CCDC7: variants seen among roughly 807,000 people sequenced by gnomAD.
The protein encoded by CCDC7 is coiled-coil domain-containing protein 7.
In CCDC7, 183 loss-of-function variants were observed where a neutral mutation model predicts 196.9. The observed-to-expected ratio is 0.93, with a 90% CI of 0.82 to 1.05. The LOEUF (loss-of-function observed/expected upper bound fraction) is 1.05. Ranked by LOEUF, CCDC7 falls within the 50% of genes least tolerant of loss-of-function variation. The pLI is 0.00. For missense variants in CCDC7, 1,540 were observed against 1,482.2 expected, an observed-to-expected ratio of 1.04 and a Z score of -0.64; for synonymous variants, 525 against 484.6, an observed-to-expected ratio of 1.08 and a Z score of -1.10.
intron 16 of CCDC7, among the ~76,000 whole-genome samples, chr10:32,580,006 T>C (rs527559404): frequency 2.0e-4 from 30 of 152,070 alleles, no homozygotes; most frequent in African/African-American, 7.0e-4. Context: ...GCAGAGCACA[T>C]TGCAATATTG....
intron 24 of CCDC7, among the ~76,000 whole-genome samples, chr10:32,703,418 C>T (rs188369997): frequency 0.042 from 6,377 of 152,068 alleles, 170 homozygotes; most frequent in Middle Eastern, 0.065. Flanking sequence ...TTGTGGGTAA[C>T]GCGACATTTC....
chr10:32,787,947 G>T (rs1232153755), intron 29 of CCDC7, among the ~76,000 whole-genome samples: 1 of 152,138 alleles, frequency 6.6e-6, no homozygotes, highest in Non-Finnish European at 1.5e-5. Flanking sequence ...CACCAGTCCA[G>T]CTCCCACAGA....
chr10:32,693,670 G>T (rs964453085), intron 23 of CCDC7, among the ~76,000 whole-genome samples: 2 of 152,050 alleles, frequency 1.3e-5, no homozygotes, highest in African/African-American at 4.8e-5. Context: ...AAAAAAAATT[G>T]ATTCCTAGCC....
chr10:32,549,153 C>T (rs1403123576), intron 13 of CCDC7, among the ~76,000 whole-genome samples: 1 of 152,120 alleles, frequency 6.6e-6, no homozygotes, highest in Non-Finnish European at 1.5e-5. Flanking sequence ...TTGCATTTCC[C>T]TGATCATTCA....
chr10:32,493,501 A>C (rs1013435218), intron 9 of CCDC7, among the ~76,000 whole-genome samples: 2 of 151,592 alleles, frequency 1.3e-5, no homozygotes, highest in Non-Finnish European at 2.9e-5. Context: ...TGAACATGGG[A>C]GTATGGGTAT....
At chr10:32,876,295 A>G in intron 41 of CCDC7, 52 bp from the exon 43 acceptor site, 1 of 1,336,286 alleles carries the variant, frequency 7.5e-7, no homozygotes. Flanking sequence ...AATTATATCA[A>G]CTGGAGTAAA....
chr10:32,715,637 G>A (rs1376943416), intron 25 of CCDC7, among the ~76,000 whole-genome samples: 1 of 152,184 alleles, frequency 6.6e-6, no homozygotes, highest in East Asian at 1.9e-4. Flanking sequence ...CCAATGCAAG[G>A]AAGCTAAGAA....
chr10:32,766,510 C>T (rs1231717212), intron 28 of CCDC7, among the ~76,000 whole-genome samples: 2 of 152,030 alleles, frequency 1.3e-5, no homozygotes, highest in Non-Finnish European at 2.9e-5. Context: ...TCGGCAAGTT[C>T]CTATAGGTGA....
intron 18 of CCDC7, among the ~76,000 whole-genome samples, chr10:32,619,969 C>A: frequency 8.0e-6 from 1 of 124,286 alleles, no homozygotes; most frequent in Non-Finnish European, 1.6e-5. Context: ...GTCACCCAGA[C>A]TGGAATTCAG....
chr10:32,714,008 T>C (rs1304122488), intron 25 of CCDC7, among the ~76,000 whole-genome samples: 1 of 152,252 alleles, frequency 6.6e-6, no homozygotes, highest in African/African-American at 2.4e-5. Flanking sequence ...CAAGGGACTA[T>C]CAGCGTGGCT....
chr10:32,698,806 C>G (rs540564819), intron 24 of CCDC7, among the ~76,000 whole-genome samples: 1 of 152,130 alleles, frequency 6.6e-6, no homozygotes, highest in Admixed American at 6.5e-5. Context: ...GAGAACTTCC[C>G]CAACCTAGCA....
chr10:32,764,312 CA>C, intron 28 of CCDC7, among the ~76,000 whole-genome samples: 1 of 151,454 alleles, frequency 6.6e-6, no homozygotes, highest in East Asian at 1.9e-4. Flanking sequence ...CACTGCATTC[CA>C]AAAAAACTAC....
chr10:32,476,281 C>G (rs1393173203), intron 8 of CCDC7, among the ~76,000 whole-genome samples: 1 of 152,138 alleles, frequency 6.6e-6, no homozygotes, highest in Non-Finnish European at 1.5e-5. Flanking sequence ...TGTAGTATTT[C>G]CTTTTCAAGA....
At chr10:32,482,900 G>T (rs1276442582) in intron 8 of CCDC7, among the ~76,000 whole-genome samples, 3 of 152,076 alleles carry the variant, frequency 2.0e-5, no homozygotes, top group African/African-American at 4.8e-5. Flanking sequence ...GTCTATCATT[G>T]TTGGACATTT....
At chr10:32,665,809 A>G (rs1403548886) in intron 21 of CCDC7, among the ~76,000 whole-genome samples, 5 of 152,058 alleles carry the variant, frequency 3.3e-5, no homozygotes, top group Admixed American at 6.6e-5. Context: ...TTTTAACAAT[A>G]TTAATTCTTC....
intron 6 of CCDC7, 68 bp from the exon 8 acceptor site, chr10:32,472,413 T>C: frequency 1.4e-6 from 2 of 1,383,802 alleles, no homozygotes; most frequent in South Asian, 3.3e-5. Context: ...ATTTTAGTTA[T>C]TTTAGTGTAA....
downstream of CCDC7, among the ~76,000 whole-genome samples, chr10:32,881,352 G>A (rs1485165073): frequency 6.6e-6 from 1 of 152,094 alleles, no homozygotes; most frequent in Non-Finnish European, 1.5e-5. Flanking sequence ...AATTTTAATA[G>A]GTTGTGGGCA....
intron 28 of CCDC7, among the ~76,000 whole-genome samples, chr10:32,733,728 A>G (rs1242415450): frequency 2.6e-5 from 4 of 152,146 alleles, no homozygotes; most frequent in Non-Finnish European, 4.4e-5. Context: ...GGATTTCTCT[A>G]TGCCTTATGG....
chr10:32,711,600 A>G lies in CCDC7; in HGVS notation c.2459-20A>G. 1 of 1,470,296 alleles carries G rather than the reference A, an allele frequency of 6.8e-7. No homozygotes were observed. Among genetic ancestry groups the G allele is most frequent in the African/African-American group, 1.4e-5 (1 of 69,996 alleles). 91.1% of individuals were successfully genotyped at this position (1,470,296 alleles called of 1,614,324 possible). ...AGATTTGTTTTTCTAGTAAGGGACT[A>G]AATTTCTCTCTTAACATAGCTCATG... On this transcript the variant is annotated intron_variant, in intron 24 of 41. Coordinates refer to ENST00000639629, the Ensembl canonical transcript of CCDC7.
Sources: allele counts gnomAD v4.1 joint callset (sites outside exome capture counted in the v4.1 genomes callset), GRCh38; gene constraint gnomAD v4.1.1; transcripts MANE v1.5; gene names NCBI Gene and HGNC (gene_info 2026-07-23, HGNC 2026-07-21).